The following ERAP1 variants were observed in gnomAD, a reference collection of about 807,000 sequenced individuals.
ERAP1 encodes endoplasmic reticulum aminopeptidase 1.
In ERAP1, 86 loss-of-function variants were observed where a neutral mutation model predicts 103.7. The ratio of observed to expected loss-of-function variants is 0.83; its 90% CI spans 0.70 to 0.99. The LOEUF is 0.99. Ranked by LOEUF, ERAP1 falls within the 50% of genes least tolerant of loss-of-function variation. ERAP1 has a pLI of 0.00. For missense variants in ERAP1, 1,009 were observed against 1,128.4 expected (o/e 0.89, Z 1.52); for synonymous variants, 398 against 402.4 (o/e 0.99, Z 0.13).
At chr5:96,914,146 T>A in the ERAP1 span, among the ~76,000 whole-genome samples, 78 of 104,720 alleles carry the variant, frequency 7.4e-4, no homozygotes, top group African/African-American at 2.8e-3. Flanking sequence ...TCTCTCTCTC[T>A]CTCACACACA....
the ERAP1 span, among the ~76,000 whole-genome samples, chr5:96,821,827 T>G: frequency 7.2e-5 from 11 of 152,196 alleles, no homozygotes; most frequent in Admixed American, 7.2e-4. Context: ...GAAATCTTCA[T>G]TTATGTCTGC....
At chr5:96,883,824 A>G in the ERAP1 span, 1 of 1,613,216 alleles carries the variant, frequency 6.2e-7, no homozygotes, top group South Asian at 1.1e-5. Context: ...GAGCCAACCC[A>G]GGCACGCATG....
At chr5:96,901,268 C>A in the ERAP1 span, among the ~76,000 whole-genome samples, 1 of 152,116 alleles carries the variant, frequency 6.6e-6, no homozygotes, top group Non-Finnish European at 1.5e-5. Flanking sequence ...GCTTTTCCTG[C>A]CATGTATTCA....
the ERAP1 span, among the ~76,000 whole-genome samples, chr5:96,826,108 A>G: frequency 6.6e-6 from 1 of 152,226 alleles, no homozygotes; most frequent in South Asian, 2.1e-4. Flanking sequence ...TGTTGGTGTT[A>G]CTGGCTGGCC....
Position 96,774,795 on chromosome 5 carries a change from T to G in ERAP1, c.*1601A>C. The G allele has an allele frequency of 1.0e-6, 1 of 984,462 alleles. No homozygotes were observed. Among genetic ancestry groups the G allele is most frequent in the African/African-American group, 1.7e-5 (1 of 57,346 alleles). 61.0% of individuals were successfully genotyped at this position (984,462 alleles called of 1,614,324 possible). A position where few individuals can be genotyped will look rare whatever the true frequency, so the allele number is the denominator to read the frequency against. On this transcript the variant is annotated 3_prime_UTR_variant, in exon 19 of 19. Transcript: ENST00000443439. ...CACTACAACAAATAAGTATAAAAAT[T>G]CCAATTCCACTTTTATACCTATTTA... is the stretch of plus-strand genomic sequence containing the variant.
the ERAP1 span, among the ~76,000 whole-genome samples, chr5:96,857,782 C>T: frequency 6.6e-6 from 1 of 152,280 alleles, no homozygotes; most frequent in Admixed American, 6.5e-5. Context: ...TTCAAAATAA[C>T]CTTAAATTTA....
the ERAP1 span, among the ~76,000 whole-genome samples, chr5:96,923,208 G>A: frequency 2.1e-3 from 321 of 152,160 alleles, 2 homozygotes; most frequent in Middle Eastern, 3.4e-3. Flanking sequence ...TCAAGCTCCC[G>A]TCCTGCCGCC....
chr5:96,793,556 A>T, intron 6 of ERAP1, 43 bp from the exon 7 acceptor site: 1 of 1,453,878 alleles, frequency 6.9e-7, no homozygotes, highest in Non-Finnish European at 9.7e-7. Flanking sequence ...ACTCAGAAAG[A>T]AGTATATTTT....
chr5:96,795,134 A>G lies in ERAP1; in HGVS notation c.827T>C (p.Ile276Thr). ...KVSVYAVPDK[I>T]NQADYALDAA... ...ATCCAGTGCATAATCTGCTTGATTT[A>G]TCTTGTCTGGCACAGCATAAACAGA... Residue 276 changes from isoleucine to threonine, a missense_variant, in exon 5 of 19, where the codon ATA becomes ACA. By Grantham distance (89) the Ile-to-Thr change is moderately conservative (BLOSUM62 -1). Coordinates refer to ENST00000443439, the MANE Select transcript of ERAP1 (RefSeq NM_001040458.3). 1 of 1,613,892 alleles carries G rather than the reference A, an allele frequency of 6.2e-7. No individual in the cohort carries two copies. Among genetic ancestry groups the G allele is most frequent in the Non-Finnish European group, 8.5e-7 (1 of 1,179,970 alleles).
chr5:96,808,097 T>A (rs1044429689), upstream of ERAP1: 1 of 984,764 alleles, frequency 1.0e-6, no homozygotes, highest in African/African-American at 1.8e-5. Context: ...GGAAGGGAAT[T>A]GGTAAATGAG....
chr5:96,859,019 A>C, the ERAP1 span, among the ~76,000 whole-genome samples: 75 of 151,966 alleles, frequency 4.9e-4, no homozygotes, highest in South Asian at 0.014. Flanking sequence ...TCCAAAAGAA[A>C]AAGATGAAGC....
chr5:96,794,295 C>T lies in ERAP1; in HGVS notation c.920-338G>A, dbSNP rs533968827. 7.5e-5 allele frequency among the ~76,000 whole-genome samples: 11 copies of T among 146,950 alleles called. No homozygotes were observed. In the South Asian group the frequency reaches 2.4e-3, roughly 32 times the overall value. On this transcript the variant is annotated intron_variant, in intron 5 of 18. Coordinates refer to ENST00000443439, the MANE Select transcript of ERAP1 (RefSeq NM_001040458.3). ...CCTCAACCTCCCAAGCTCAGGTGATCCTCCCATCTCAGCCTTGCAAGTAGC... is the reference window on the plus strand; with the variant it reads ...CCTCAACCTCCCAAGCTCAGGTGATTCTCCCATCTCAGCCTTGCAAGTAGC...
chr5:96,821,656 T>C, the ERAP1 span, among the ~76,000 whole-genome samples: 1 of 152,210 alleles, frequency 6.6e-6, no homozygotes, highest in Admixed American at 6.5e-5. Context: ...TAATGAAATA[T>C]GTAGTCAAAG....
intron 18 of ERAP1, among the ~76,000 whole-genome samples, chr5:96,777,733 C>T (rs925244977): frequency 2.6e-5 from 4 of 152,192 alleles, no homozygotes; most frequent in Admixed American, 2.6e-4. Context: ...TTGTTCAAAT[C>T]ATTAATCCTA....
At chr5:96,772,578 G>A (rs1361038076), downstream of ERAP1, 1 of 152,646 alleles carries the variant, frequency 6.6e-6, no homozygotes, top group Non-Finnish European at 1.5e-5. Context: ...TATTTACTAT[G>A]TCTGTAACAA....
the ERAP1 span, among the ~76,000 whole-genome samples, chr5:96,866,571 G>T: frequency 6.6e-6 from 1 of 152,188 alleles, no homozygotes; most frequent in Non-Finnish European, 1.5e-5. Flanking sequence ...GTTTTTCTGG[G>T]TGCAGTTGCT....
intron 19 of ERAP1, chr5:96,767,975 AG>A (rs1378930772): frequency 3.7e-6 from 6 of 1,612,940 alleles, no homozygotes; most frequent in Non-Finnish European, 5.1e-6. Context: ...CCTCCACTAC[AG>A]AAACCTCACA....
At chr5:96,879,597 C>A in the ERAP1 span, 2 of 977,028 alleles carry the variant, frequency 2.0e-6, no homozygotes, top group East Asian at 2.4e-5. Flanking sequence ...TTGTTCAGAC[C>A]CCATGTGACA....
In ERAP1 at chr5:96,775,219, T is replaced by G. The variant is rs750570896; in HGVS notation, c.*1177A>C. ...ATTATTATCATCTATACATAAAACC[T>G]GAGCAGCAACTGTGTGCTGAAGCAA... is the stretch of plus-strand genomic sequence containing the variant. On this transcript the variant is annotated 3_prime_UTR_variant, in exon 19 of 19. Transcript: ENST00000443439. The G allele has an allele frequency of 8.1e-6, 8 of 985,296 alleles. No homozygotes were observed. The highest frequency in any genetic ancestry group is 1.7e-5 in the African/African-American group (1 of 57,174). 61.0% of individuals were successfully genotyped at this position (985,296 alleles called of 1,614,324 possible).
Sources: allele counts gnomAD v4.1 joint callset (sites outside exome capture counted in the v4.1 genomes callset), GRCh38; gene constraint gnomAD v4.1.1; transcripts MANE v1.5; gene names NCBI Gene and HGNC (gene_info 2026-07-23, HGNC 2026-07-21).